The following SCN11A variants were observed in gnomAD, a reference collection of about 807,000 sequenced individuals.
SCN11A encodes sodium channel protein type 11 subunit alpha.
A neutral mutation model predicts 162.2 loss-of-function variants in SCN11A; 122 were observed. The ratio of observed to expected loss-of-function variants is 0.75; its 90% CI spans 0.65 to 0.87. The LOEUF (loss-of-function observed/expected upper bound fraction) is 0.87, where lower values mean the gene tolerates loss of function less well. Ranked by LOEUF, SCN11A falls within the 40% of genes least tolerant of loss-of-function variation. The pLI is 0.00. For synonymous variants in SCN11A, 758 were observed against 751.5 expected, an observed-to-expected ratio of 1.01 and a Z score of -0.14; for missense variants, 2,015 against 2,181.6, an observed-to-expected ratio of 0.92 and a Z score of 1.52.
intron 2 of SCN11A, among the ~76,000 whole-genome samples, chr3:38,961,888 A>G (rs2066743641): frequency 6.6e-6 from 1 of 152,176 alleles, no homozygotes; most frequent in African/African-American, 2.4e-5. Flanking sequence ...CCAGCTATTT[A>G]TCTTTGTTTT....
intron 23 of SCN11A, among the ~76,000 whole-genome samples, chr3:38,875,611 G>GAAAAT (rs909467614): frequency 2.4e-4 from 37 of 151,986 alleles, no homozygotes; most frequent in African/African-American, 7.7e-4. Context: ...TACACTAGCT[G>GAAAAT]AAAATAAAAT....
intron 5 of SCN11A, among the ~76,000 whole-genome samples, chr3:38,948,986 T>C (rs540134592): frequency 8.5e-5 from 13 of 152,356 alleles, no homozygotes; most frequent in South Asian, 2.1e-4. Context: ...TTCCTACTTA[T>C]ACTCTACTTT....
chr3:38,989,069 C>T (rs1266890961), intron 2 of SCN11A, among the ~76,000 whole-genome samples: 1 of 152,146 alleles, frequency 6.6e-6, no homozygotes, highest in Non-Finnish European at 1.5e-5. Flanking sequence ...GAAGGGTCAA[C>T]AAAAGTCTGC....
intron 19 of SCN11A, among the ~76,000 whole-genome samples, chr3:38,890,996 T>C (rs953665784): frequency 3.3e-5 from 5 of 151,940 alleles, no homozygotes; most frequent in African/African-American, 1.2e-4. Context: ...AAAACAAAAA[T>C]ATGAAATGTG....
At chr3:39,000,813 G>C (rs2125598240) in intron 2 of SCN11A, among the ~76,000 whole-genome samples, 1 of 152,288 alleles carries the variant, frequency 6.6e-6, no homozygotes, top group South Asian at 2.1e-4. Flanking sequence ...AAGGCGGGTG[G>C]ATCACTTGAG....
At position 39,007,695 on chromosome 3, in the gene SCN11A, G is replaced by A. The variant is rs62242309; in HGVS notation, c.-280+24685C>T. The stretch of plus-strand genomic sequence containing the variant: ...TCCATCGGGAAAGGAGCTCCTGCAC[G>A]CAGGACCATTTCAGACCTTGCCCTA... On this transcript the variant is annotated intron_variant, in intron 2 of 29. Coordinates refer to ENST00000302328, the MANE Select transcript of SCN11A (RefSeq NM_001349253.2). Among the ~76,000 whole-genome samples the A allele has an allele frequency of 2.8e-3, 427 of 152,302 alleles. 2 individuals are homozygous for A. Among genetic ancestry groups the A allele is most frequent in the African/African-American group, 6.7e-3 (279 of 41,562 alleles).
chr3:38,948,486 T>G (rs1025651079), intron 5 of SCN11A, among the ~76,000 whole-genome samples: 6 of 152,212 alleles, frequency 3.9e-5, no homozygotes, highest in Non-Finnish European at 7.3e-5. Flanking sequence ...CAAAGAGAAG[T>G]AGCCTGTGAT....
In SCN11A at chr3:38,846,307, T is replaced by G; in HGVS notation, c.*387A>C. 5.8e-6 allele frequency: 1 copy of G among 172,164 alleles called. No homozygotes were observed. Among genetic ancestry groups the G allele is most frequent in the Non-Finnish European group, 1.3e-5 (1 of 78,648 alleles). The allele number at this position is 172,164 out of a possible 1,614,324, so 10.7% of individuals were successfully genotyped here. A position where few individuals can be genotyped will look rare whatever the true frequency, so the allele number is the denominator to read the frequency against. On this transcript the variant is annotated 3_prime_UTR_variant, in exon 30 of 30. Transcript: ENST00000302328. ...TTTTGTATTTTTAGTAGAGACGGAG[T>G]TTCATCATGTTGGCCAGGATGGTCT...
chr3:38,912,678 T>G (rs1357126304), intron 11 of SCN11A, among the ~76,000 whole-genome samples: 1 of 152,166 alleles, frequency 6.6e-6, no homozygotes, highest in Non-Finnish European at 1.5e-5. Flanking sequence ...CTTTTCTATG[T>G]CCGTGAGTTC....
At chr3:38,986,257 C>T (rs1211425811) in intron 2 of SCN11A, among the ~76,000 whole-genome samples, 1 of 150,728 alleles carries the variant, frequency 6.6e-6, no homozygotes. Flanking sequence ...AAGGAAGTGC[C>T]GACAGAGCCA....
chr3:38,979,371 G>A (rs1249912412), intron 2 of SCN11A, among the ~76,000 whole-genome samples: 2 of 152,164 alleles, frequency 1.3e-5, no homozygotes, highest in African/African-American at 4.8e-5. Context: ...GCTTTCTCCG[G>A]TGAGGTCACC....
chr3:39,007,521 G>T (rs144783426), intron 2 of SCN11A, among the ~76,000 whole-genome samples: 2,130 of 152,246 alleles, frequency 0.014, 17 homozygotes, highest in Non-Finnish European at 0.018. Context: ...TTTTAGGAGG[G>T]GAAAGGGGCT....
At position 38,946,818 on chromosome 3, in the gene SCN11A, T is replaced by C. The variant is rs754173268; in HGVS notation, c.357A>G (p.Arg119=). 1 of 1,613,084 alleles carries C rather than the reference T, an allele frequency of 6.2e-7. No homozygotes were observed. Among genetic ancestry groups the C allele is most frequent in the East Asian group, 2.2e-5 (1 of 44,884 alleles). The stretch of plus-strand genomic sequence containing the variant: ...GGACTGAGACTCTAATGGCTAAACT[T>C]CTGATTGAATTGAAAGGCCCAAAAA... ...LFIFGPFNSI[R]SLAIRVSVHS... Residue 119 remains arginine, a synonymous_variant, in exon 6 of 30, where the codon AGA becomes AGG. Coordinates refer to ENST00000302328, the MANE Select transcript of SCN11A (RefSeq NM_001349253.2).
intron 22 of SCN11A, among the ~76,000 whole-genome samples, chr3:38,881,967 C>T (rs941944704): frequency 1.3e-5 from 2 of 152,092 alleles, no homozygotes; most frequent in African/African-American, 4.8e-5. Flanking sequence ...TTTCCCACTG[C>T]CTATATCATA....
At chr3:38,977,772 T>C (rs1482850371) in intron 2 of SCN11A, among the ~76,000 whole-genome samples, 4 of 152,170 alleles carry the variant, frequency 2.6e-5, no homozygotes, top group Non-Finnish European at 1.5e-5. Context: ...AATGCATGTT[T>C]TTCTTTCTCT....
At chr3:38,905,379 T>G in intron 14 of SCN11A, 58 bp from the exon 15 acceptor site, 2 of 1,576,586 alleles carry the variant, frequency 1.3e-6, no homozygotes, top group Non-Finnish European at 1.7e-6. Flanking sequence ...CCTCAAAACT[T>G]AACAAACTAC....
chr3:38,909,238 A>ACAGGAAAGT, intron 12 of SCN11A, 44 bp from the exon 13 acceptor site: 2 of 1,595,292 alleles, frequency 1.3e-6, no homozygotes, highest in Admixed American at 3.4e-5. Context: ...ACCTTCTTCC[A>ACAGGAAAGT]CAGGAAAGTG....
chr3:38,889,073 C>T (rs542853740), intron 19 of SCN11A, among the ~76,000 whole-genome samples: 3 of 152,000 alleles, frequency 2.0e-5, no homozygotes, highest in African/African-American at 7.2e-5. Flanking sequence ...ATGATATCTG[C>T]ATAAGGGGAA....
At chr3:38,895,737 C>T (rs2065585844) in intron 18 of SCN11A, among the ~76,000 whole-genome samples, 1 of 152,060 alleles carries the variant, frequency 6.6e-6, no homozygotes, top group South Asian at 2.1e-4. Flanking sequence ...TGCTTAAGCT[C>T]TCCTCTATCT....
Sources: allele counts gnomAD v4.1 joint callset (sites outside exome capture counted in the v4.1 genomes callset), GRCh38; gene constraint gnomAD v4.1.1; transcripts MANE v1.5; gene names NCBI Gene and HGNC (gene_info 2026-07-23, HGNC 2026-07-21).